SMCHD1: variants seen among roughly 807,000 people sequenced by gnomAD.
SMCHD1 encodes the protein structural maintenance of chromosomes flexible hinge domain containing 1.
A neutral mutation model predicts 254.7 loss-of-function variants in SMCHD1; 78 were observed. The observed-to-expected ratio is 0.31, with a 90% confidence interval of 0.26 to 0.37. The LOEUF (loss-of-function observed/expected upper bound fraction) is 0.37, where lower values mean the gene tolerates loss of function less well. SMCHD1 is among the 10% of genes least tolerant of loss of function. The probability of loss-of-function intolerance (pLI) is 1.00; values close to 1 mark genes in which losing one functional copy is unlikely to be tolerated. For synonymous variants in SMCHD1, 766 were observed against 794.9 expected (o/e 0.96, Z 0.61); for missense variants, 1,840 against 2,408.1 (o/e 0.76, Z 4.94).
intron 3 of SMCHD1, among the ~76,000 whole-genome samples, chr18:2,671,030 G>T (rs2073583475): frequency 6.8e-6 from 1 of 147,834 alleles, no homozygotes; most frequent in Admixed American, 6.7e-5. Context: ...TCCGCCTCCT[G>T]GGTTCAAGCA....
intron 21 of SMCHD1, 79 bp from the exon 22 acceptor site, chr18:2,726,373 A>G: frequency 1.4e-6 from 1 of 735,492 alleles, no homozygotes. Context: ...AAACCAAAAT[A>G]TAAATCAGAA....
At chr18:2,796,373 T>C (rs1354048937) in intron 46 of SMCHD1, 34 bp from the exon 47 acceptor site, 2 of 1,311,140 alleles carry the variant, frequency 1.5e-6, no homozygotes, top group African/African-American at 1.5e-5. Flanking sequence ...GTTTTTATTG[T>C]AAATTTAACT....
In SMCHD1 at chr18:2,673,973, A is replaced by G. The variant is rs1239348961; in HGVS notation, c.508-42A>G. 3.9e-6 allele frequency: 6 copies of G among 1,535,602 alleles called. No homozygotes were observed. In the Admixed American group the frequency reaches 1.1e-4, roughly 28 times the overall value. ...TTAACTTTTCATGTTTTAAGTATTG[A>G]TTTGACTTTTCCTGTCTTTTTGAAC... is the stretch of plus-strand genomic sequence containing the variant. On this transcript the variant is annotated intron_variant, in intron 4 of 47. Transcript: ENST00000320876.
intron 5 of SMCHD1, among the ~76,000 whole-genome samples, chr18:2,682,314 C>CT (rs397825044): frequency 0.099 from 14,353 of 145,384 alleles, 1,565 homozygotes; most frequent in African/African-American, 0.29. Context: ...CTTTCTTCTT[C>CT]TTTTTTTTTT....
intron 34 of SMCHD1, chr18:2,752,999 G>C (rs1336284201): frequency 5.9e-6 from 1 of 170,230 alleles, no homozygotes; most frequent in Non-Finnish European, 1.2e-5. Context: ...CATTATATTT[G>C]TTCAGTGCTT....
chr18:2,791,573 C>T (rs585064), intron 45 of SMCHD1, among the ~76,000 whole-genome samples: 133,178 of 152,246 alleles, frequency 0.87, 58,904 homozygotes, highest in Non-Finnish European at 0.94. Flanking sequence ...GAGCAAAATA[C>T]GTGAAAGAAT....
intron 5 of SMCHD1, among the ~76,000 whole-genome samples, chr18:2,680,859 T>C (rs1355667332): frequency 6.6e-6 from 1 of 152,220 alleles, no homozygotes; most frequent in East Asian, 1.9e-4. Flanking sequence ...TCTCATTACT[T>C]TCATCAGTGA....
intron 44 of SMCHD1, among the ~76,000 whole-genome samples, chr18:2,783,187 A>G (rs1295866056): frequency 1.3e-5 from 2 of 152,250 alleles, no homozygotes; most frequent in African/African-American, 4.8e-5. Flanking sequence ...ATGTAAGTTT[A>G]CTACTTTTCA....
At position 2,760,754 on chromosome 18, in the gene SMCHD1, T is replaced by G; in HGVS notation, c.4434+15T>G. 1 of 1,469,090 alleles carries G rather than the reference T, an allele frequency of 6.8e-7. No homozygotes were observed. The highest frequency in any genetic ancestry group is 1.7e-5 in the Admixed American group (1 of 57,966). 91.0% of individuals were successfully genotyped at this position (1,469,090 alleles called of 1,614,324 possible). ...ACAGTGAACAGGTTTGCTTACTTTT[T>G]TTATATACCACAGTTAGCTTTACAT... On this transcript the variant is annotated intron_variant, in intron 35 of 47. Coordinates refer to ENST00000320876, the MANE Select transcript of SMCHD1 (RefSeq NM_015295.3).
Position 2,700,676 on chromosome 18 carries a change from C to CT in SMCHD1, c.1463+18dup. 6.2e-7 allele frequency: 1 copy of CT among 1,602,366 alleles called. No homozygotes were observed. Among genetic ancestry groups the CT allele is most frequent in the Non-Finnish European group, 8.5e-7 (1 of 1,175,070 alleles). On this transcript the variant is annotated intron_variant, in intron 11 of 47. Coordinates refer to ENST00000320876, the MANE Select transcript of SMCHD1 (RefSeq NM_015295.3). Reference sequence around the variant, plus strand: ...AGTTGAAGAGTAAGTTTGATTTTTGCTGAAATTATGTTTTTACAACTTAAT... The same window carrying CT: ...AGTTGAAGAGTAAGTTTGATTTTTGCTTGAAATTATGTTTTTACAACTTAAT...
chr18:2,788,204 A>G (rs2076268818), intron 45 of SMCHD1, among the ~76,000 whole-genome samples: 1 of 152,360 alleles, frequency 6.6e-6, no homozygotes, highest in African/African-American at 2.4e-5. Context: ...TTTTCTAAAT[A>G]ATTTGCCTAT....
At chr18:2,664,216 A>G (rs1164311752) in intron 1 of SMCHD1, among the ~76,000 whole-genome samples, 1 of 152,170 alleles carries the variant, frequency 6.6e-6, no homozygotes, top group African/African-American at 2.4e-5. Context: ...CAGCCTGAAT[A>G]TGTATTATCA....
chr18:2,675,947 T>C (rs888479754), intron 5 of SMCHD1, among the ~76,000 whole-genome samples: 4 of 152,248 alleles, frequency 2.6e-5, no homozygotes, highest in Admixed American at 6.5e-5. Flanking sequence ...GGGTTTGGTG[T>C]CAGTAAACAA....
At chr18:2,691,026 C>A (rs2074167352) in intron 7 of SMCHD1, among the ~76,000 whole-genome samples, 1 of 145,178 alleles carries the variant, frequency 6.9e-6, no homozygotes, top group Non-Finnish European at 1.5e-5. Context: ...ATTTTATTAT[C>A]CACTTTTATT....
rs772417948 is a variant in SMCHD1, at chr18:2,760,685, T to C, written c.4380T>C (p.Tyr1460=). The change falls in exon 35 of 48, where the codon TAT becomes TAC. Residue 1460 remains tyrosine, a synonymous_variant. Transcript: ENST00000320876. ...TAATTCCTAATAAAGTGGGGACATATTGTATCCAGTTTGGTTTTATGATGG... is the reference window on the plus strand; with the variant it reads ...TAATTCCTAATAAAGTGGGGACATACTGTATCCAGTTTGGTTTTATGATGG... ...DKVIPNKVGT[Y]CIQFGFMMDK... is the part of the protein sequence containing the mutation. The C allele has an allele frequency of 4.4e-5, 70 of 1,601,190 alleles. No homozygotes were observed. The highest frequency in any genetic ancestry group is 5.8e-5 in the Non-Finnish European group (68 of 1,168,756).
intron 5 of SMCHD1, among the ~76,000 whole-genome samples, chr18:2,681,790 C>T (rs11660985): frequency 1.3e-5 from 2 of 152,038 alleles, no homozygotes; most frequent in African/African-American, 2.4e-5. Context: ...TGGGTCAGCG[C>T]TACTCTTTCT....
At chr18:2,664,533 C>T (rs8093356) in intron 1 of SMCHD1, among the ~76,000 whole-genome samples, 31,023 of 151,936 alleles carry the variant, frequency 0.2, 3,400 homozygotes, top group South Asian at 0.33. Context: ...TTTGTTTTAT[C>T]TCCGTATGTA....
intron 47 of SMCHD1, among the ~76,000 whole-genome samples, chr18:2,799,232 T>TA (rs1386850356): frequency 1.3e-5 from 2 of 152,198 alleles, no homozygotes; most frequent in Non-Finnish European, 2.9e-5. Context: ...TAAACAACGT[T>TA]AAAAATGATT....
At chr18:2,760,813 A>G (rs2075771580) in intron 35 of SMCHD1, 74 bp downstream of exon 35, 4 of 740,742 alleles carry the variant, frequency 5.4e-6, no homozygotes, top group Non-Finnish European at 6.9e-6. Flanking sequence ...TCTGCATTAC[A>G]TGAAATAGCT....
Sources: allele counts gnomAD v4.1 joint callset (sites outside exome capture counted in the v4.1 genomes callset), GRCh38; gene constraint gnomAD v4.1.1; transcripts MANE v1.5; gene names NCBI Gene and HGNC (gene_info 2026-07-23, HGNC 2026-07-21).